The following CEP89 variants were observed in gnomAD, a reference collection of about 807,000 sequenced individuals.
CEP89 encodes centrosomal protein of 89 kDa.
A neutral mutation model predicts 97.6 loss-of-function variants in CEP89; 95 were observed. That is an observed-to-expected ratio of 0.97 (90% confidence interval 0.82 to 1.15). The LOEUF (loss-of-function observed/expected upper bound fraction) is 1.15, where lower values mean the gene tolerates loss of function less well. Among genes scored for constraint, CEP89 ranks in the 50% most tolerant of loss-of-function variants. The probability of loss-of-function intolerance (pLI) is 0.00; values close to 1 mark genes in which losing one functional copy is unlikely to be tolerated. For missense variants in CEP89, 869 were observed against 947.7 expected, an observed-to-expected ratio of 0.92 and a Z score of 1.09; for synonymous variants, 354 against 349.1, an observed-to-expected ratio of 1.01 and a Z score of -0.16.
At chr19:32,919,157 T>C (rs1970196744) in intron 12 of CEP89, among the ~76,000 whole-genome samples, 4 of 152,128 alleles carry the variant, frequency 2.6e-5, no homozygotes, top group Admixed American at 2.6e-4. Flanking sequence ...AGTGCTGGGA[T>C]TATAGGCATG....
intron 4 of CEP89, among the ~76,000 whole-genome samples, chr19:32,951,743 A>G (rs1347484318): frequency 6.6e-6 from 1 of 152,028 alleles, no homozygotes; most frequent in Non-Finnish European, 1.5e-5. Context: ...TACTTTTCAC[A>G]TGTTAAAATT....
rs1568540052 is a variant in CEP89 at position 32,878,975 on chromosome 19, A to AT, written c.*186_*187insA. On this transcript the variant is annotated 3_prime_UTR_variant, in exon 19 of 19. Transcript: ENST00000305768. ...AGACCCTAGCTCTAAAAAAAAAAAA[A>AT]AATTAAAAAATAAAGCAAAATGTTA... The AT allele has an allele frequency of 1.1e-3, 513 of 465,706 alleles. 3 individuals are homozygous for AT. Among genetic ancestry groups the AT allele is most frequent in the African/African-American group, 8.9e-3 (441 of 49,342 alleles). 28.8% of individuals were successfully genotyped at this position (465,706 alleles called of 1,614,324 possible).
intron 2 of CEP89, chr19:32,966,064 C>T (rs968218835): frequency 1.8e-5 from 5 of 284,830 alleles, no homozygotes; most frequent in Admixed American, 1.6e-4. Context: ...TTCAAAATTC[C>T]CTGTTAACCT....
At chr19:32,938,929 G>A (rs187322358) in intron 6 of CEP89, among the ~76,000 whole-genome samples, 12 of 152,036 alleles carry the variant, frequency 7.9e-5, no homozygotes, top group Admixed American at 6.6e-4. Flanking sequence ...CAGTCTGGGT[G>A]ACAGAGCAAG....
intron 17 of CEP89, among the ~76,000 whole-genome samples, chr19:32,886,240 T>C (rs1969392104): frequency 6.6e-6 from 1 of 152,264 alleles, no homozygotes; most frequent in South Asian, 2.1e-4. Flanking sequence ...CTTATGCTTC[T>C]ATTTTTCTTC....
At chr19:32,951,953 C>A (rs1970928900) in intron 4 of CEP89, among the ~76,000 whole-genome samples, 1 of 152,096 alleles carries the variant, frequency 6.6e-6, no homozygotes, top group Non-Finnish European at 1.5e-5. Flanking sequence ...TACAAAATAA[C>A]CAGCCGGCAA....
intron 14 of CEP89, among the ~76,000 whole-genome samples, chr19:32,907,237 T>C (rs148978421): frequency 1.3e-5 from 2 of 152,260 alleles, no homozygotes; most frequent in East Asian, 3.9e-4. Flanking sequence ...GGCGCGTGAC[T>C]ATAGTCCCAG....
intron 2 of CEP89, 49 bp from the exon 3 acceptor site, chr19:32,960,107 G>C: frequency 2.5e-6 from 4 of 1,601,204 alleles, no homozygotes; most frequent in Non-Finnish European, 3.4e-6. Flanking sequence ...AACATTCCAG[G>C]TGAATGCTGA....
Position 32,948,327 on chromosome 19 carries a change from A to G in CEP89, c.534T>C (p.Asn178=). Residue 178 remains asparagine (N), a synonymous_variant, in exon 5 of 19, where the codon AAT becomes AAC. Transcript: ENST00000305768. Reference sequence around the variant, plus strand: ...CTGGAAACCCATCTTGATGAGAAATATTTTCATCGTCTTCACTGTTCACCT... The same window carrying G: ...CTGGAAACCCATCTTGATGAGAAATGTTTTCATCGTCTTCACTGTTCACCT... ...LHEVNSEDDE[N]ISHQDGFPGS... is the part of the protein sequence containing the mutation. The G allele has an allele frequency of 6.2e-7, 1 of 1,611,860 alleles. No homozygotes were observed. Among genetic ancestry groups the G allele is most frequent in the Middle Eastern group, 1.8e-4 (1 of 5,520 alleles).
At position 32,926,213 on chromosome 19, in the gene CEP89, C is replaced by G. The variant is rs200882885; in HGVS notation, c.1141G>C (p.Asp381His). 2 of 1,613,534 alleles carry G rather than the reference C, an allele frequency of 1.2e-6. No homozygotes were observed. Among genetic ancestry groups the G allele is most frequent in the Non-Finnish European group, 1.7e-6 (2 of 1,179,666 alleles). Reference protein sequence around the residue: ...LAYEDMMKEKDELNATLKEEM... With the variant: ...LAYEDMMKEKHELNATLKEEM... ...ACCTTGAGGGTGGCATTGAGCTCGTCCTTCTCTTTCATCATATCTTCATAA... is the reference window on the plus strand; with the variant it reads ...ACCTTGAGGGTGGCATTGAGCTCGTGCTTCTCTTTCATCATATCTTCATAA... The change falls in exon 11 of 19, where the codon GAC (aspartate) becomes CAC (histidine). Residue 381 changes from aspartate (D) to histidine (H), a missense_variant. Physicochemically the swap from Asp to His is moderately conservative, Grantham distance 81. Coordinates refer to ENST00000305768, the MANE Select transcript of CEP89 (RefSeq NM_032816.5).
At chr19:32,938,178 A>C (rs1970616704) in intron 6 of CEP89, among the ~76,000 whole-genome samples, 1 of 152,134 alleles carries the variant, frequency 6.6e-6, no homozygotes, top group African/African-American at 2.4e-5. Context: ...CTCTGAGGCT[A>C]TAAAGGAAGT....
Position 32,901,552 on chromosome 19 carries a change from T to G in CEP89, c.1566-140A>C. On this transcript the variant is annotated intron_variant, in intron 14 of 18. Transcript: ENST00000305768. ...CACTTGGAATGCCTCTGTGGAAACA[T>G]CTCCCCATCCTGGGCCCTAGAGGAC... The G allele has an allele frequency of 3.7e-6, 3 of 802,822 alleles. No homozygotes were observed. In the South Asian group the frequency reaches 5.1e-5, roughly 14 times the overall value. The allele number at this position is 802,822 out of a possible 1,614,324, so 49.7% of individuals were successfully genotyped here. A position where few individuals can be genotyped will look rare whatever the true frequency, so the allele number is the denominator to read the frequency against.
intron 3 of CEP89, 66 bp from the exon 4 acceptor site, chr19:32,953,867 C>CTTTTTT: frequency 7.6e-5 from 46 of 607,660 alleles, no homozygotes; most frequent in South Asian, 1.1e-4. Flanking sequence ...TGATAAATAT[C>CTTTTTT]TTTTTTTTTT....
chr19:32,919,050 A>G (rs185680736), intron 12 of CEP89, among the ~76,000 whole-genome samples: 3 of 151,904 alleles, frequency 2.0e-5, no homozygotes, highest in East Asian at 1.9e-4. Context: ...CCGCCTGGCT[A>G]ATTTTTTTGT....
At chr19:32,929,984 A>G (rs1348037970) in intron 9 of CEP89, among the ~76,000 whole-genome samples, 4 of 149,270 alleles carry the variant, frequency 2.7e-5, no homozygotes, top group Non-Finnish European at 4.4e-5. Context: ...GAACATAGGG[A>G]GTGATTCCCA....
intron 17 of CEP89, among the ~76,000 whole-genome samples, chr19:32,884,931 A>G (rs1017956247): frequency 1.3e-5 from 2 of 152,096 alleles, no homozygotes; most frequent in Non-Finnish European, 2.9e-5. Context: ...TTTATATTAC[A>G]TGTTCTTAGT....
intron 14 of CEP89, among the ~76,000 whole-genome samples, chr19:32,912,159 C>A (rs537147133): frequency 6.7e-6 from 1 of 148,774 alleles, no homozygotes; most frequent in Non-Finnish European, 1.5e-5. Flanking sequence ...GCCAAGATCG[C>A]GCCACTGCAC....
At chr19:32,967,750 G>A (rs1460600753) in intron 1 of CEP89, among the ~76,000 whole-genome samples, 1 of 152,226 alleles carries the variant, frequency 6.6e-6, no homozygotes, top group African/African-American at 2.4e-5. Flanking sequence ...TCTAGGAAGA[G>A]GGAACGGCAT....
chr19:32,925,508 GA>G (rs1970339167), intron 11 of CEP89, among the ~76,000 whole-genome samples: 1 of 97,866 alleles, frequency 1.0e-5, no homozygotes, highest in Non-Finnish European at 1.9e-5. Context: ...TTTTTTTTTC[GA>G]GACGGAGTCT....
Sources: gnomAD v4.1 joint callset for allele counts (sites outside exome capture counted in the v4.1 genomes callset) on GRCh38, gnomAD v4.1.1 for gene constraint, MANE v1.5 for transcripts, NCBI Gene and HGNC (gene_info 2026-07-23, HGNC 2026-07-21) for gene names.